TNS2: variants seen among roughly 807,000 people sequenced by gnomAD.
TNS2 encodes tensin 2.
Under a neutral mutation model 155.7 loss-of-function variants are expected in TNS2, and 77 were observed. The ratio of observed to expected loss-of-function variants is 0.49; its 90% CI spans 0.41 to 0.60. The LOEUF is 0.60. Ranked by LOEUF, TNS2 falls within the 20% of genes least tolerant of loss-of-function variation. The pLI is 0.00. For missense variants in TNS2, 1,703 were observed against 1,868.8 expected (o/e 0.91, Z 1.64); for synonymous variants, 726 against 763.9 (o/e 0.95, Z 0.82).
At chr12:53,061,545 G>A (rs781278688) in intron 21 of TNS2, 76 bp downstream of exon 21, 15 of 1,512,868 alleles carry the variant, frequency 9.9e-6, no homozygotes, top group African/African-American at 9.6e-5. Context: ...GTCCCATCCT[G>A]TTGAAGCTCT....
upstream of TNS2, chr12:53,049,962 C>T (rs1943863831): frequency 2.6e-6 from 3 of 1,160,346 alleles, no homozygotes; most frequent in Admixed American, 3.0e-5. Flanking sequence ...ATCTCCTGGC[C>T]TCCCCCACAT....
rs1348003869 is a variant in TNS2, at chr12:53,050,289, A to T, written c.75+29A>T. ...GGAGTGCCCACCAGCTGGGCAAAAG[A>T]GGGGCAGGGGTGGAGGTGCGGGCAG... On this transcript the variant is annotated intron_variant, in intron 1 of 28. Coordinates refer to ENST00000314250, the MANE Select transcript of TNS2 (RefSeq NM_170754.4). This position sits in a 1 kb window ranked among gnomAD's most constrained non-coding sequence, Gnocchi z 4.7. The T allele has an allele frequency of 6.3e-7, 1 of 1,578,370 alleles. No individual in the cohort carries two copies. The highest frequency in any genetic ancestry group is 8.6e-7 in the Non-Finnish European group (1 of 1,161,806).
rs1338268711 is a variant in TNS2, at chr12:53,059,111, C to T, written c.1470C>T (p.Pro490=). The change falls in exon 18 of 29, where the codon CCC becomes CCT. Residue 490 remains proline, a synonymous_variant. Coordinates refer to ENST00000314250, the MANE Select transcript of TNS2 (RefSeq NM_170754.4). The surrounding 1 kb of genome is among the most constrained non-coding windows in gnomAD (Gnocchi z 4.7). ...CTTATGCCCAGGTGCAGCGGCCTCC[C>T]CGGCAGACCCCCCCGGCACCCTCTC... ...GSPYAQVQRP[P]RQTPPAPSPE... 6.4e-7 allele frequency: 1 copy of T among 1,552,038 alleles called. No individual in the cohort carries two copies. The highest frequency in any genetic ancestry group is 1.3e-5 in the South Asian group (1 of 79,754).
rs1455672990 is a variant in TNS2 at position 53,055,554 on chromosome 12, T to C, written c.574-14T>C. On this transcript the variant is annotated splice_polypyrimidine_tract_variant and intron_variant, in intron 8 of 28. Transcript: ENST00000314250. ...TGGCCCCCGGCCCCAGTTGCACCCC[T>C]GCATTCTCCCCAGGTTCAAGACTTC... 6.3e-7 allele frequency: 1 copy of C among 1,592,156 alleles called. No individual in the cohort carries two copies.
chr12:53,059,420 C>T lies in TNS2; in HGVS notation c.1779C>T (p.Ser593=). 1 of 1,480,556 alleles carries T rather than the reference C, an allele frequency of 6.8e-7. No homozygotes were observed. Among genetic ancestry groups the T allele is most frequent in the Admixed American group, 2.6e-5 (1 of 38,406 alleles). The allele number at this position is 1,480,556 out of a possible 1,614,324, so 91.7% of individuals were successfully genotyped here. Residue 593 remains serine, a synonymous_variant, in exon 18 of 29, where the codon TCC becomes TCT. Coordinates refer to ENST00000314250, the MANE Select transcript of TNS2 (RefSeq NM_170754.4). This position sits in a 1 kb window ranked among gnomAD's most constrained non-coding sequence, Gnocchi z 4.7. ...GHRPGLSRHC[S]CRQGYREPCG... is the part of the protein sequence containing the mutation. ...GGCCTGGCCTCAGCCGCCACTGCTC[C>T]TGCCGCCAGGGCTACCGGGAGCCCT...
chr12:53,054,423 G>C lies in TNS2; in HGVS notation c.504G>C (p.Lys168Asn). 1 of 1,604,480 alleles carries C rather than the reference G, an allele frequency of 6.2e-7. No individual in the cohort carries two copies. Among genetic ancestry groups the C allele is most frequent in the Non-Finnish European group, 8.5e-7 (1 of 1,177,354 alleles). Residue 168 changes from lysine to asparagine, a missense_variant, in exon 7 of 29, where the codon AAG (lysine) becomes AAC (asparagine). Lys to Asn is a moderately conservative substitution (Grantham distance 94). Coordinates refer to ENST00000314250, the MANE Select transcript of TNS2 (RefSeq NM_170754.4). ...AGCTGGCCCATGTGCTGCAATCCAA[G>C]CACCGGGACAAGTACCTGGTGAGGG... ...LRELAHVLQSKHRDKYLLFNL... is the reference protein window; with the variant it reads ...LRELAHVLQSNHRDKYLLFNL...
At position 53,051,651 on chromosome 12, in the gene TNS2, G is replaced by A. The variant is rs1943936125; in HGVS notation, c.76-204G>A. Among the ~76,000 whole-genome samples the A allele has an allele frequency of 9.8e-5, 15 of 152,324 alleles. No homozygotes were observed. The South Asian group carries it at 2.7e-3, about 27-fold the overall frequency. On this transcript the variant is annotated intron_variant, in intron 1 of 28. Coordinates refer to ENST00000314250, the MANE Select transcript of TNS2 (RefSeq NM_170754.4). ...GAGGAGCTGACCCAGCAAAGGTGAC[G>A]CAAGGGGTCAGATTCCATGCACAGT...
intron 8 of TNS2, 91 bp from the exon 9 acceptor site, chr12:53,055,477 C>T: frequency 6.7e-7 from 1 of 1,485,306 alleles, no homozygotes; most frequent in Non-Finnish European, 9.0e-7. Flanking sequence ...AGCCTTGCCC[C>T]CGGACCCCTA....
Position 53,059,824 on chromosome 12 carries a change from C to T in TNS2, c.2183C>T (p.Pro728Leu). The T allele has an allele frequency of 6.2e-7, 1 of 1,612,948 alleles. No individual in the cohort carries two copies. Among genetic ancestry groups the T allele is most frequent in the Non-Finnish European group, 8.5e-7 (1 of 1,179,952 alleles). Reference sequence around the variant, plus strand: ...GAGGCTGGCAAGCCTCTCCTGCACCCAGTGCGGCCTGGGCACCCGCTGCCT... The same window carrying T: ...GAGGCTGGCAAGCCTCTCCTGCACCTAGTGCGGCCTGGGCACCCGCTGCCT... Reference protein sequence around the residue: ...ASEAGKPLLHPVRPGHPLPLL... With the variant: ...ASEAGKPLLHLVRPGHPLPLL... The change falls in exon 18 of 29, where the codon CCA becomes CTA. Residue 728 changes from proline to leucine, a missense_variant. Transcript: ENST00000314250. The surrounding 1 kb of genome is among the most constrained non-coding windows in gnomAD (Gnocchi z 4.7).
chr12:53,062,088 C>G, intron 22 of TNS2, 65 bp from the exon 23 acceptor site: 1 of 1,611,228 alleles, frequency 6.2e-7, no homozygotes, highest in Non-Finnish European at 8.5e-7. Context: ...GGGAAAGAAT[C>G]CCATTAGGGA....
chr12:53,049,056 C>T, upstream of TNS2: 5 of 947,268 alleles, frequency 5.3e-6, no homozygotes, highest in Non-Finnish European at 7.9e-6. Flanking sequence ...GAAGATTACT[C>T]CCCCTTTTTC....
In TNS2 at chr12:53,059,051, C is replaced by T. The variant is rs201926317; in HGVS notation, c.1410C>T (p.Ser470=). The change falls in exon 18 of 29, where the codon TCC becomes TCT. Residue 470 remains serine, a synonymous_variant. Coordinates refer to ENST00000314250, the MANE Select transcript of TNS2 (RefSeq NM_170754.4). This position sits in a 1 kb window ranked among gnomAD's most constrained non-coding sequence, Gnocchi z 4.7. ...NQHHEDSVDG[S]LTHTRGPLDG... ...CTGATCCTCTTCCCCACTCAGGCTC[C>T]TTGACCCACACCCGGGGTCCCCTGG... 1.9e-6 allele frequency: 3 copies of T among 1,538,720 alleles called. No homozygotes were observed. Among genetic ancestry groups the T allele is most frequent in the East Asian group, 2.3e-5 (1 of 44,260 alleles).
rs1406019596 is a variant in TNS2 at position 53,057,628 on chromosome 12, T to C, written c.907T>C (p.Phe303Leu). The change falls in exon 12 of 29, where the codon TTC (phenylalanine) becomes CTC (leucine). Residue 303 changes from phenylalanine to leucine, a missense_variant. Coordinates refer to ENST00000314250, the MANE Select transcript of TNS2 (RefSeq NM_170754.4). Reference protein sequence around the residue: ...GSIRMNSSPLFLHYVLIPMLP... With the variant: ...GSIRMNSSPLLLHYVLIPMLP... ...CATCAGAATGAACAGCAGCCCTCTC[T>C]TCCTGCACTATGTGCTCATCCCCAT... 4 of 1,613,950 alleles carry C rather than the reference T, an allele frequency of 2.5e-6. No homozygotes were observed. The highest frequency in any genetic ancestry group is 3.4e-6 in the Non-Finnish European group (4 of 1,179,954).
intron 15 of TNS2, 31 bp from the exon 16 acceptor site, chr12:53,058,541 G>A (rs1220821918): frequency 6.2e-7 from 1 of 1,613,974 alleles, no homozygotes; most frequent in Admixed American, 1.7e-5. Flanking sequence ...ATGGGCCAGG[G>A]GCCTGGTTCT....
In TNS2 at chr12:53,062,439, G is replaced by A. The variant is rs142568866; in HGVS notation, c.3731G>A (p.Arg1244His). 1.6e-3 allele frequency: 2,623 copies of A among 1,613,722 alleles called. 14 individuals carry two copies. The highest frequency in any genetic ancestry group is 4.6e-3 in the South Asian group (421 of 91,070). ...ISPISLPCCLRIPSKDPLEET... is the reference protein window; with the variant it reads ...ISPISLPCCLHIPSKDPLEET... ...CCCATCTCCCTGCCCTGCTGCCTGC[G>A]CATTCCCAGCAAAGGTGAGTGTCTG... Residue 1244 changes from arginine to histidine, a missense_variant, in exon 24 of 29, where the codon CGC (arginine) becomes CAC (histidine). Coordinates refer to ENST00000314250, the MANE Select transcript of TNS2 (RefSeq NM_170754.4).
At chr12:53,048,029 G>T (rs372713558), upstream of TNS2, among the ~76,000 whole-genome samples, 8 of 152,226 alleles carry the variant, frequency 5.3e-5, no homozygotes, top group African/African-American at 1.9e-4. Flanking sequence ...GGGCCCGGCT[G>T]GGGGAGAGGT....
intron 2 of TNS2, 63 bp downstream of exon 2, chr12:53,052,026 C>A: frequency 2.3e-6 from 3 of 1,321,504 alleles, no homozygotes; most frequent in Non-Finnish European, 3.2e-6. Flanking sequence ...TGCACAACTC[C>A]AGCAGGCCAG....
chr12:53,060,336 G>A lies in TNS2; in HGVS notation c.2618-69G>A. The A allele has an allele frequency of 6.3e-7, 1 of 1,574,886 alleles. No individual in the cohort carries two copies. The highest frequency in any genetic ancestry group is 8.6e-7 in the Non-Finnish European group (1 of 1,157,674). ...GGTGGGGAAGTCAAGGGGGAACAGG[G>A]TGAGAAACAGCTAAGCCAGACAGAA... On this transcript the variant is annotated intron_variant, in intron 18 of 28. Coordinates refer to ENST00000314250, the MANE Select transcript of TNS2 (RefSeq NM_170754.4). This position sits in a 1 kb window ranked among gnomAD's most constrained non-coding sequence, Gnocchi z 6.1.
Position 53,062,255 on chromosome 12 carries a change from A to G in TNS2, c.3667+10A>G, listed in dbSNP as rs750568876. On this transcript the variant is annotated intron_variant, in intron 23 of 28. Transcript: ENST00000314250. ...AGTGAGCCCTACTTTGGTGAGAAGC[A>G]GGAGCCTGGGGAAGGCTACGTTGGG... The G allele has an allele frequency of 2.5e-6, 4 of 1,613,852 alleles. No homozygotes were observed. In the South Asian group the frequency reaches 3.3e-5, roughly 13 times the overall value.
Sources: allele counts gnomAD v4.1 joint callset (sites outside exome capture counted in the v4.1 genomes callset), GRCh38; gene constraint gnomAD v4.1.1; non-coding constraint Gnocchi (gnomAD v3.1); transcripts MANE v1.5; gene names NCBI Gene and HGNC (gene_info 2026-07-23, HGNC 2026-07-21).